The following SEC22C variants were observed in gnomAD, a reference collection of about 807,000 sequenced individuals.
The protein encoded by SEC22C is vesicle-trafficking protein SEC22c.
SEC22C carries 29 observed loss-of-function variants against 34.7 expected under a neutral mutation model. The observed-to-expected ratio is 0.84, with a 90% CI of 0.62 to 1.14. The LOEUF is 1.14. Among genes scored for constraint, SEC22C ranks in the 50% most tolerant of loss-of-function variants. SEC22C has a pLI of 0.00. For missense variants in SEC22C, 337 were observed against 369.0 expected, an observed-to-expected ratio of 0.91 and a Z score of 0.71; for synonymous variants, 117 against 132.8, an observed-to-expected ratio of 0.88 and a Z score of 0.82.
At chr3:42,600,487 G>A (rs1401749575) in intron 1 of SEC22C, 2 of 152,050 alleles carry the variant, frequency 1.3e-5, no homozygotes, top group Non-Finnish European at 2.9e-5. Context: ...GGCAAACAGG[G>A]AACGCGCAGG....
intron 1 of SEC22C, chr3:42,581,252 A>G (rs1704323955): frequency 6.6e-6 from 1 of 152,156 alleles, no homozygotes; most frequent in South Asian, 2.1e-4. Context: ...CCATGTCACA[A>G]ATTTCACCAA....
chr3:42,569,633 G>C (rs1049452038), intron 1 of SEC22C, among the ~76,000 whole-genome samples: 1 of 152,196 alleles, frequency 6.6e-6, no homozygotes, highest in Non-Finnish European at 1.5e-5. Flanking sequence ...AGGCAAAAAT[G>C]AAACCTCTAG....
chr3:42,554,888 A>G, intron 6 of SEC22C, among the ~76,000 whole-genome samples: 1 of 152,118 alleles, frequency 6.6e-6, no homozygotes, highest in East Asian at 1.9e-4. Context: ...TTATATGAAA[A>G]TAACTAATCA....
At chr3:42,556,371 C>T (rs1702529090) in intron 5 of SEC22C, among the ~76,000 whole-genome samples, 1 of 152,230 alleles carries the variant, frequency 6.6e-6, no homozygotes, top group African/African-American at 2.4e-5. Context: ...TGAGAGCCCC[C>T]AAGGCAGGGA....
chr3:42,569,066 G>C lies in SEC22C; in HGVS notation c.-20C>G. The C allele has an allele frequency of 6.2e-7, 1 of 1,606,296 alleles. No homozygotes were observed. Among genetic ancestry groups the C allele is most frequent in the Non-Finnish European group, 8.5e-7 (1 of 1,175,036 alleles). On this transcript the variant is annotated 5_prime_UTR_variant, in exon 2 of 7. Coordinates refer to ENST00000264454, the MANE Select transcript of SEC22C (RefSeq NM_032970.4). ...GGACATGGTCCACAAGAGAAGTCAT[G>C]AGGACACCTGAGGAAAGCAAGGTCA...
At chr3:42,583,928 C>T (rs932858423), upstream of SEC22C, among the ~76,000 whole-genome samples, 7 of 152,178 alleles carry the variant, frequency 4.6e-5, no homozygotes, top group East Asian at 1.9e-4. Context: ...CAGGTTCTCC[C>T]GGCTTGGGCC....
In SEC22C at chr3:42,553,109, T is replaced by C; in HGVS notation, c.*139A>G. The C allele has an allele frequency of 2.1e-6, 3 of 1,453,958 alleles. No individual in the cohort carries two copies. The highest frequency in any genetic ancestry group is 9.0e-7 in the Non-Finnish European group (1 of 1,110,554). The allele number at this position is 1,453,958 out of a possible 1,614,324, so 90.1% of individuals were successfully genotyped here. ...CCTCATGACTTCCACTGCAACTGTTTAACATCCCCAATTCCTGGTTTTTCA... is the reference window on the plus strand; with the variant it reads ...CCTCATGACTTCCACTGCAACTGTTCAACATCCCCAATTCCTGGTTTTTCA... On this transcript the variant is annotated 3_prime_UTR_variant, in exon 7 of 7. Coordinates refer to ENST00000264454, the MANE Select transcript of SEC22C (RefSeq NM_032970.4).
Position 42,598,231 on chromosome 3 carries a change from T to C in SEC22C, c.-28+2729A>G, listed in dbSNP as rs1179858882. Reference sequence around the variant, plus strand: ...AATATGATATACACATACAATGGAATATTATTCAGCCTCAAAAAAGGAAAT... The same window carrying C: ...AATATGATATACACATACAATGGAACATTATTCAGCCTCAAAAAAGGAAAT... On this transcript the variant is annotated intron_variant, in intron 1 of 6. Coordinates refer to the SEC22C transcript ENST00000417572. Among the ~76,000 whole-genome samples, 4 of 152,042 alleles carry C rather than the reference T, an allele frequency of 2.6e-5. No individual in the cohort carries two copies. In the East Asian group the frequency reaches 5.8e-4, roughly 22 times the overall value.
At chr3:42,560,132 A>ATC (rs1197756799) in intron 4 of SEC22C, among the ~76,000 whole-genome samples, 1 of 145,586 alleles carries the variant, frequency 6.9e-6, no homozygotes, top group Non-Finnish European at 1.5e-5. Context: ...ATATATATAT[A>ATC]TATATAAATA....
intron 1 of SEC22C, among the ~76,000 whole-genome samples, chr3:42,571,853 C>A (rs1003797012): frequency 6.6e-6 from 1 of 152,060 alleles, no homozygotes; most frequent in Non-Finnish European, 1.5e-5. Context: ...GCCAACATGG[C>A]GAAACCCCGT....
chr3:42,585,006 G>A (rs1704566168), upstream of SEC22C, among the ~76,000 whole-genome samples: 1 of 152,164 alleles, frequency 6.6e-6, no homozygotes, highest in African/African-American at 2.4e-5. Flanking sequence ...GTGGACATCT[G>A]TGATCCCAGC....
Position 42,548,985 on chromosome 3 carries a change from C to T in SEC22C, c.*4263G>A. The T allele has an allele frequency of 9.2e-7, 1 of 1,085,726 alleles. No homozygotes were observed. Among genetic ancestry groups the T allele is most frequent in the South Asian group, 3.4e-5 (1 of 29,308 alleles). The allele number at this position is 1,085,726 out of a possible 1,614,324, so 67.3% of individuals were successfully genotyped here. On this transcript the variant is annotated 3_prime_UTR_variant, in exon 7 of 7. Coordinates refer to ENST00000264454, the MANE Select transcript of SEC22C (RefSeq NM_032970.4). Reference sequence around the variant, plus strand: ...GGCAGATTGATGTTATCACCATTTACCAGATGAGGAAACTGAGGCCTGATG... The same window carrying T: ...GGCAGATTGATGTTATCACCATTTATCAGATGAGGAAACTGAGGCCTGATG...
intron 2 of SEC22C, chr3:42,563,906 T>TG: frequency 6.9e-7 from 1 of 1,441,386 alleles, no homozygotes; most frequent in African/African-American, 1.4e-5. Flanking sequence ...AATGACAGCC[T>TG]GTGATCACTC....
In SEC22C at chr3:42,563,512, G is replaced by A. The variant is rs377469781; in HGVS notation, c.346+11C>T. ...GGAAGAGAAAAATAAATATGAAAGAGGGTTACAAACCAAACTCAAGAAAAG... is the reference window on the plus strand; with the variant it reads ...GGAAGAGAAAAATAAATATGAAAGAAGGTTACAAACCAAACTCAAGAAAAG... On this transcript the variant is annotated intron_variant, in intron 3 of 6. Transcript: ENST00000264454. 8.2e-5 allele frequency: 132 copies of A among 1,600,862 alleles called. No individual in the cohort carries two copies. Among genetic ancestry groups the A allele is most frequent in the Non-Finnish European group, 1.0e-4 (123 of 1,174,660 alleles).
chr3:42,572,780 C>A (rs1210123079), intron 1 of SEC22C, among the ~76,000 whole-genome samples: 3 of 152,202 alleles, frequency 2.0e-5, no homozygotes, highest in Non-Finnish European at 4.4e-5. Flanking sequence ...AGAAAAACCT[C>A]AGCTTCAATG....
chr3:42,586,890 A>C (rs1165959343), upstream of SEC22C, among the ~76,000 whole-genome samples: 1 of 152,112 alleles, frequency 6.6e-6, no homozygotes, highest in Non-Finnish European at 1.5e-5. Context: ...TATCACCTTC[A>C]TTTCCATTCC....
In SEC22C at chr3:42,566,897, C is replaced by T. The variant is rs1288994667; in HGVS notation, c.182+1968G>A. On this transcript the variant is annotated intron_variant, in intron 2 of 6. Transcript: ENST00000264454. The stretch of plus-strand genomic sequence containing the variant: ...TGTGTAGACTCAGCTACTTGGGAGG[C>T]TATCTATCAATCAATCAATCTATCC... 9 of 277,930 alleles carry T rather than the reference C, an allele frequency of 3.2e-5. No homozygotes were observed. In the East Asian group the frequency reaches 5.3e-4, roughly 16 times the overall value. The allele number at this position is 277,930 out of a possible 1,614,324, so 17.2% of individuals were successfully genotyped here.
At chr3:42,553,582 A>T (rs114333424) in intron 6 of SEC22C, 134 bp from the exon 7 acceptor site, 2 of 1,329,916 alleles carry the variant, frequency 1.5e-6, no homozygotes, top group East Asian at 5.0e-5. Flanking sequence ...AATTCATTAC[A>T]GTAAAGCGTG....
At position 42,551,144 on chromosome 3, in the gene SEC22C, T is replaced by C; in HGVS notation, c.*2104A>G. The C allele has an allele frequency of 2.0e-6, 2 of 985,340 alleles. No individual in the cohort carries two copies. Among genetic ancestry groups the C allele is most frequent in the Non-Finnish European group, 2.4e-6 (2 of 829,918 alleles). 61.0% of individuals were successfully genotyped at this position (985,340 alleles called of 1,614,324 possible). A position where few individuals can be genotyped will look rare whatever the true frequency, so the allele number is the denominator to read the frequency against. ...AGCTTCCCAAAGTGTTATTGACTTTTAAAGCTTTTTTGTTCTTCTCATTTA... is the reference window on the plus strand; with the variant it reads ...AGCTTCCCAAAGTGTTATTGACTTTCAAAGCTTTTTTGTTCTTCTCATTTA... On this transcript the variant is annotated 3_prime_UTR_variant, in exon 7 of 7. Transcript: ENST00000264454.
Sources: gnomAD v4.1 joint callset for allele counts (sites outside exome capture counted in the v4.1 genomes callset) on GRCh38, gnomAD v4.1.1 for gene constraint, MANE v1.5 for transcripts, NCBI Gene and HGNC (gene_info 2026-07-23, HGNC 2026-07-21) for gene names.